The following TTC39C variants were observed in gnomAD, a reference collection of about 807,000 sequenced individuals.
TTC39C encodes the protein tetratricopeptide repeat protein 39C.
Under a neutral mutation model 76.3 loss-of-function variants are expected in TTC39C, and 33 were observed. The ratio of observed to expected loss-of-function variants is 0.43; its 90% CI spans 0.33 to 0.58. The LOEUF (loss-of-function observed/expected upper bound fraction) is 0.58. Ranked by LOEUF, TTC39C falls within the 20% of genes least tolerant of loss-of-function variation. TTC39C has a pLI of 0.04. For missense variants in TTC39C, 595 were observed against 701.4 expected, an observed-to-expected ratio of 0.85 and a Z score of 1.71; for synonymous variants, 254 against 260.6, an observed-to-expected ratio of 0.97 and a Z score of 0.24.
At chr18:24,033,146 G>C (rs1448459554) in intron 1 of TTC39C, among the ~76,000 whole-genome samples, 1 of 152,184 alleles carries the variant, frequency 6.6e-6, no homozygotes, top group African/African-American at 2.4e-5. Context: ...CCAGCTACTC[G>C]AGAGGCTGAG....
At chr18:24,118,335 C>A in intron 8 of TTC39C, 103 bp downstream of exon 8, 1 of 787,914 alleles carries the variant, frequency 1.3e-6, no homozygotes, top group Non-Finnish European at 2.1e-6. Context: ...AAAAGTTGTA[C>A]CCCTCCACAG....
chr18:24,071,782 A>G (rs1044026077), intron 4 of TTC39C, among the ~76,000 whole-genome samples: 4 of 152,218 alleles, frequency 2.6e-5, no homozygotes, highest in African/African-American at 9.7e-5. Flanking sequence ...TTCTTTCACA[A>G]ATTATCTTTA....
chr18:24,129,657 C>T (rs1205301977), intron 11 of TTC39C, among the ~76,000 whole-genome samples: 1 of 151,652 alleles, frequency 6.6e-6, no homozygotes, highest in African/African-American at 2.4e-5. Context: ...ACCTGTAATC[C>T]CAGCTACTCG....
At chr18:23,994,904 T>C (rs58892474) in intron 1 of TTC39C, among the ~76,000 whole-genome samples, 2 of 151,058 alleles carry the variant, frequency 1.3e-5, no homozygotes, top group Non-Finnish European at 1.5e-5. Flanking sequence ...TCCTTTTTTT[T>C]AAAAAAAAAT....
At chr18:24,033,614 G>C (rs1421171059) in intron 1 of TTC39C, among the ~76,000 whole-genome samples, 1 of 152,178 alleles carries the variant, frequency 6.6e-6, no homozygotes, top group East Asian at 1.9e-4. Flanking sequence ...GTTCTAATAT[G>C]CACAGATTCC....
At chr18:24,113,692 G>T in intron 6 of TTC39C, 1 of 702,324 alleles carries the variant, frequency 1.4e-6, no homozygotes, top group Non-Finnish European at 2.6e-6. Flanking sequence ...ATTTCTCAAT[G>T]CCTAAGATTA....
chr18:24,124,576 G>A (rs2085022645), intron 9 of TTC39C, among the ~76,000 whole-genome samples: 1 of 152,262 alleles, frequency 6.6e-6, no homozygotes, highest in Admixed American at 6.5e-5. Context: ...ATACAATGTT[G>A]CCGTATTACC....
At position 24,125,483 on chromosome 18, in the gene TTC39C, T is replaced by G. The variant is rs1378227198; in HGVS notation, c.1353T>G (p.Ile451Met). The change falls in exon 10 of 14, where the codon ATT becomes ATG. Residue 451 changes from isoleucine to methionine, a missense_variant. Ile to Met is a conservative substitution (Grantham distance 10). Transcript: ENST00000317571. ...PTKALCVLAS[I>M]EVLYLWKALP... ...AAGCGCTCTGTGTGTTGGCGTCTAT[T>G]GAAGTGTTGTACTTGTGGAAAGCTC... 1 of 1,614,220 alleles carries G rather than the reference T, an allele frequency of 6.2e-7. No individual in the cohort carries two copies. The highest frequency in any genetic ancestry group is 8.5e-7 in the Non-Finnish European group (1 of 1,180,030).
At position 24,024,016 on chromosome 18, in the gene TTC39C, A is replaced by AT. The variant is rs1181326548; in HGVS notation, c.167+8993dup. On this transcript the variant is annotated intron_variant, in intron 1 of 13. Transcript: ENST00000317571. ...TATATATATATATATATATATATAT[A>AT]TTTTTTTTTTTTTTTGAGACGGAGT... 5.7e-3 allele frequency among the ~76,000 whole-genome samples: 31 copies of AT among 5,478 alleles called. 4 individuals are homozygous for AT. Among genetic ancestry groups the AT allele is most frequent in the African/African-American group, 0.02 (30 of 1,538 alleles). The allele number at this position is 5,478 out of a possible 152,430, so 3.6% of individuals were successfully genotyped here. A position where few individuals can be genotyped will look rare whatever the true frequency, so the allele number is the denominator to read the frequency against.
intron 1 of TTC39C, among the ~76,000 whole-genome samples, chr18:24,024,010 ATATATATT>A (rs2083564031): frequency 1.5e-4 from 1 of 6,548 alleles, no homozygotes; most frequent in African/African-American, 5.3e-4. Flanking sequence ...ATATATATAT[ATATATATT>A]TTTTTTTTTT....
intron 1 of TTC39C, among the ~76,000 whole-genome samples, chr18:23,997,636 G>A (rs1490591237): frequency 1.4e-5 from 2 of 138,212 alleles, no homozygotes; most frequent in Admixed American, 1.5e-4. Context: ...AGAAAGAGAG[G>A]GAGGGAGGAA....
At chr18:24,011,098 A>G (rs113869305), upstream of TTC39C, among the ~76,000 whole-genome samples, 912 of 152,316 alleles carry the variant, frequency 6.0e-3, 7 homozygotes, top group African/African-American at 0.021. Flanking sequence ...TCAGGAAGAC[A>G]AGGGTAGGGT....
intron 4 of TTC39C, among the ~76,000 whole-genome samples, chr18:24,070,566 C>T (rs1291783896): frequency 2.0e-5 from 3 of 152,108 alleles, no homozygotes; most frequent in African/African-American, 7.2e-5. Flanking sequence ...AATATCTGGC[C>T]AGGTGCCTTG....
At chr18:24,005,377 A>AT (rs376340115) in intron 1 of TTC39C, among the ~76,000 whole-genome samples, 1 of 152,066 alleles carries the variant, frequency 6.6e-6, no homozygotes, top group East Asian at 1.9e-4. Context: ...CAAAGATAAG[A>AT]TTTTTTTTCA....
intron 1 of TTC39C, among the ~76,000 whole-genome samples, chr18:24,035,307 C>T (rs553544845): frequency 5.3e-5 from 8 of 152,206 alleles, no homozygotes; most frequent in South Asian, 2.1e-4. Context: ...CAAAACACTG[C>T]GATTACAAAT....
intron 1 of TTC39C, among the ~76,000 whole-genome samples, chr18:24,035,034 C>T (rs1336264196): frequency 1.9e-5 from 2 of 103,592 alleles, no homozygotes; most frequent in Non-Finnish European, 4.3e-5. Context: ...TTTTAATTTT[C>T]TTTATTTCTT....
chr18:24,064,081 A>T lies in TTC39C; in HGVS notation c.168-59A>T, dbSNP rs112275008. The T allele has an allele frequency of 5.3e-5, 85 of 1,602,498 alleles. No homozygotes were observed. The African/African-American group carries it at 8.5e-4, about 16-fold the overall frequency. ...TCATGATATGTCAAATGCTTTTAAA[A>T]TAAAATTTTACAGTGAAAATAATTG... On this transcript the variant is annotated intron_variant, in intron 1 of 13. Coordinates refer to ENST00000317571, the MANE Select transcript of TTC39C (RefSeq NM_001135993.2).
intron 1 of TTC39C, among the ~76,000 whole-genome samples, chr18:24,005,192 G>A (rs2083342746): frequency 6.6e-6 from 1 of 152,242 alleles, no homozygotes; most frequent in East Asian, 1.9e-4. Flanking sequence ...CCTGCTTCAT[G>A]GCCTTGGGAA....
chr18:24,095,205 A>G (rs1446039681), intron 6 of TTC39C, among the ~76,000 whole-genome samples: 1 of 152,196 alleles, frequency 6.6e-6, no homozygotes, highest in Non-Finnish European at 1.5e-5. Context: ...CTTTTCTTCT[A>G]CAGCTTCCTC....
Sources: allele counts gnomAD v4.1 joint callset (sites outside exome capture counted in the v4.1 genomes callset), GRCh38; gene constraint gnomAD v4.1.1; transcripts MANE v1.5; gene names NCBI Gene and HGNC (gene_info 2026-07-23, HGNC 2026-07-21).